Variants in CD22 observed in about 807,000 individuals in gnomAD.
CD22 encodes B-cell receptor CD22.
CD22 carries 51 observed loss-of-function variants against 94.7 expected under a neutral mutation model. The observed-to-expected ratio is 0.54, with a 90% CI of 0.43 to 0.68. The LOEUF (loss-of-function observed/expected upper bound fraction) is 0.68. CD22 is among the 30% of genes least tolerant of loss of function. The pLI, the probability that CD22 is intolerant of heterozygous loss-of-function variation, is 0.00. For synonymous variants in CD22, 424 were observed against 422.5 expected, an observed-to-expected ratio of 1.00 and a Z score of -0.04; for missense variants, 931 against 1,060.4, an observed-to-expected ratio of 0.88 and a Z score of 1.69.
intron 1 of CD22, 179 bp from the exon 2 acceptor site, chr19:35,331,840 C>G: frequency 7.7e-7 from 1 of 1,295,338 alleles, no homozygotes; most frequent in Non-Finnish European, 1.0e-6. Context: ...GAGCAAGACT[C>G]TGTCTCAAAA....
rs1404457936 is a variant in CD22, at chr19:35,335,979, G to A, written c.413-57G>A. The A allele has an allele frequency of 2.7e-6, 4 of 1,467,828 alleles. No individual in the cohort carries two copies. In the East Asian group the frequency reaches 6.8e-5, roughly 25 times the overall value. The allele number at this position is 1,467,828 out of a possible 1,614,324, so 90.9% of individuals were successfully genotyped here. ...TTTGGGACAGGACATCTAAAGCCAG[G>A]TGTACGCTCACGTCCTCAGTCCCCC... On this transcript the variant is annotated intron_variant, in intron 3 of 13. Transcript: ENST00000085219.
rs756619449 is a variant in CD22 at position 35,341,667 on chromosome 19, T to G, written c.1772-35T>G. 3.1e-6 allele frequency: 5 copies of G among 1,606,110 alleles called. No homozygotes were observed. In the East Asian group the frequency reaches 8.9e-5, roughly 29 times the overall value. ...AAGGGACCAGTGGCCTGCCTGGTAG[T>G]GACTTCGCACCCCCTCCCCCTGCCC... On this transcript the variant is annotated intron_variant, in intron 8 of 13. Transcript: ENST00000085219. This position sits in a 1 kb window ranked among gnomAD's most constrained non-coding sequence, Gnocchi z 4.0.
intron 4 of CD22, chr19:35,336,547 A>T (rs1194733997): frequency 1.8e-6 from 1 of 563,400 alleles, no homozygotes; most frequent in South Asian, 2.4e-5. Flanking sequence ...TCCTCAAGCC[A>T]TGACATGAAT....
In CD22 at chr19:35,331,989, T is replaced by A. The variant is rs183990275; in HGVS notation, c.-22-30T>A. On this transcript the variant is annotated intron_variant, in intron 1 of 13. Coordinates refer to ENST00000085219, the MANE Select transcript of CD22 (RefSeq NM_001771.4). ...CACGTGGAAGAAGTAAGCGGCCAGA[T>A]GGCTCAAAGACAAACTCTCCCCTGC... 1,276 of 1,613,552 alleles carry A rather than the reference T, an allele frequency of 7.9e-4. 16 individuals carry two copies. In the South Asian group the frequency reaches 0.01, roughly 13 times the overall value.
chr19:35,346,815 C>A lies in CD22; in HGVS notation c.*118C>A. ...GCGCATGTGCGCACACACACACACA[C>A]ACGCACACACACACACACACACTCA... On this transcript the variant is annotated 3_prime_UTR_variant, in exon 14 of 14. Coordinates refer to ENST00000085219, the MANE Select transcript of CD22 (RefSeq NM_001771.4). 1.1e-6 allele frequency: 1 copy of A among 882,012 alleles called. No homozygotes were observed. The highest frequency in any genetic ancestry group is 1.7e-6 in the Non-Finnish European group (1 of 588,226). The allele number at this position is 882,012 out of a possible 1,614,324, so 54.6% of individuals were successfully genotyped here.
rs757648942 is a variant in CD22 at position 35,336,234 on chromosome 19, T to C, written c.611T>C (p.Leu204Pro). 1 of 1,614,162 alleles carries C rather than the reference T, an allele frequency of 6.2e-7. No homozygotes were observed. The highest frequency in any genetic ancestry group is 2.2e-5 in the East Asian group (1 of 44,866). The change falls in exon 4 of 14, where the codon CTC becomes CCC. Residue 204 changes from leucine (L) to proline (P), a missense_variant. By Grantham distance (98) the Leu-to-Pro change is moderately conservative. Coordinates refer to ENST00000085219, the MANE Select transcript of CD22 (RefSeq NM_001771.4). Reference sequence around the variant, plus strand: ...AAGTCTGTCTTCACCCGGAGCGAGCTCAAGTTCTCCCCACAGTGGAGTCAC... The same window carrying C: ...AAGTCTGTCTTCACCCGGAGCGAGCCCAAGTTCTCCCCACAGTGGAGTCAC... ...TIKSVFTRSE[L>P]KFSPQWSHHG...
In CD22 at chr19:35,346,253, A is replaced by C. The variant is rs771134441; in HGVS notation, c.2412+18A>C. The C allele has an allele frequency of 6.2e-7, 1 of 1,603,612 alleles. No individual in the cohort carries two copies. The highest frequency in any genetic ancestry group is 8.5e-7 in the Non-Finnish European group (1 of 1,170,464). ...GCCAAGTGGTAAGGAGGGTCTCCCCAGGTCTCCCCAGAGGGGCTGTGGAAG... is the reference window on the plus strand; with the variant it reads ...GCCAAGTGGTAAGGAGGGTCTCCCCCGGTCTCCCCAGAGGGGCTGTGGAAG... On this transcript the variant is annotated intron_variant, in intron 13 of 13. Transcript: ENST00000085219.
chr19:35,344,589 G>C (rs2066871653), intron 9 of CD22: 1 of 500,886 alleles, frequency 2.0e-6, no homozygotes, highest in Non-Finnish European at 3.6e-6. Context: ...CGGGTCACAG[G>C]CTCTGGGCGT....
intron 6 of CD22, among the ~76,000 whole-genome samples, chr19:35,340,071 T>C (rs2066784773): frequency 1.3e-5 from 2 of 152,194 alleles, no homozygotes; most frequent in South Asian, 4.1e-4. Context: ...AGCTCGATCC[T>C]TGGACCCTGA....
At chr19:35,345,542 G>A (rs2066892955) in intron 11 of CD22, 60 bp from the exon 12 acceptor site, 2 of 1,072,954 alleles carry the variant, frequency 1.9e-6, no homozygotes, top group South Asian at 1.3e-5. Flanking sequence ...TCAGAGGCCA[G>A]GGAAGGGGAC....
At chr19:35,335,963 G>A (rs1296985158) in intron 3 of CD22, 73 bp from the exon 4 acceptor site, 5 of 1,294,836 alleles carry the variant, frequency 3.9e-6, no homozygotes, top group Non-Finnish European at 5.4e-6. Context: ...ATTTGGGACA[G>A]GACATCTAAA....
chr19:35,344,692 T>C, intron 9 of CD22, 137 bp from the exon 10 acceptor site: 1 of 671,482 alleles, frequency 1.5e-6, no homozygotes, highest in Non-Finnish European at 2.6e-6. Context: ...GTCACCCTCT[T>C]CCTCTGCACC....
chr19:35,337,839 G>A lies in CD22; in HGVS notation c.803G>A (p.Ser268Asn). The A allele has an allele frequency of 6.2e-7, 1 of 1,613,912 alleles. No individual in the cohort carries two copies. Among genetic ancestry groups the A allele is most frequent in the South Asian group, 1.1e-5 (1 of 91,074 alleles). The change falls in exon 5 of 14, where the codon AGC becomes AAC. Residue 268 changes from serine (S) to asparagine (N), a missense_variant. Physicochemically the swap from Ser to Asn is conservative, Grantham distance 46 (BLOSUM62 1). Transcript: ENST00000085219. The surrounding 1 kb of genome is among the most constrained non-coding windows in gnomAD (Gnocchi z 4.4). Reference sequence around the variant, plus strand: ...TCTGTGACCATGACCTGCGAGGTCAGCAGCAGCAACCCGGAGTACACGACG... The same window carrying A: ...TCTGTGACCATGACCTGCGAGGTCAACAGCAGCAACCCGGAGTACACGACG... ...GDSVTMTCEVSSSNPEYTTVS... is the reference protein window; with the variant it reads ...GDSVTMTCEVNSSNPEYTTVS...
chr19:35,333,208 T>G (rs1318528218), intron 3 of CD22: 1 of 438,354 alleles, frequency 2.3e-6, no homozygotes, highest in African/African-American at 2.0e-5. Flanking sequence ...TCAGCTTTTG[T>G]GACAAACTCG....
intron 3 of CD22, among the ~76,000 whole-genome samples, chr19:35,335,572 G>A (rs2066710455): frequency 6.9e-6 from 1 of 144,710 alleles, no homozygotes; most frequent in East Asian, 2.2e-4. Flanking sequence ...AAAAAAAGAG[G>A]CCGGGTGTGG....
At chr19:35,346,530 A>G (rs1402871635) in intron 13 of CD22, 36 bp from the exon 14 acceptor site, 1 of 1,580,206 alleles carries the variant, frequency 6.3e-7, no homozygotes, top group Non-Finnish European at 8.6e-7. Context: ...GGCTGGCGAC[A>G]GTGGGGCCAG....
rs957317058 is a variant in CD22 at position 35,344,881 on chromosome 19, C to T, written c.2088C>T (p.Leu696=). 4.3e-6 allele frequency: 7 copies of T among 1,613,962 alleles called. No homozygotes were observed. The African/African-American group carries it at 6.7e-5, about 15-fold the overall frequency. Reference sequence around the variant, plus strand: ...TGGCTGTGGGACTCGGGTCCTGCCTCGCCATCCTCATCCTGGCAATCTGTG... The same window carrying T: ...TGGCTGTGGGACTCGGGTCCTGCCTTGCCATCCTCATCCTGGCAATCTGTG... ...RRVAVGLGSC[L]AILILAICGL... Residue 696 remains leucine (L), a synonymous_variant, in exon 10 of 14, where the codon CTC becomes CTT. Coordinates refer to ENST00000085219, the MANE Select transcript of CD22 (RefSeq NM_001771.4).
chr19:35,333,009 CAAACCGAGCTTCCTGCAGAGCTCAG>C, intron 3 of CD22, 85 bp downstream of exon 3: 1 of 1,440,530 alleles, frequency 6.9e-7, no homozygotes, highest in Middle Eastern at 2.4e-4. Context: ...ACAGAGCTCA[CAAACCGAGCTTCCTGCAGAGCTCAG>C]GCAGGGGACG....
rs25677 is a variant in CD22, at chr19:35,341,083, C to T, written c.1452C>T (p.Cys484=). 29,396 of 1,614,114 alleles carry T rather than the reference C, an allele frequency of 0.018. 1,206 individuals carry two copies. Among genetic ancestry groups the T allele is most frequent in the African/African-American group, 0.17 (12,684 of 74,982 alleles). ...NVGWDNTTIA[C]AACNSWCSWA... The stretch of plus-strand genomic sequence containing the variant: ...GCTGGGACAACACAACCATCGCCTG[C>T]GCAGCTTGTAATAGTTGGTGCTCGT... Residue 484 remains cysteine (C), a synonymous_variant, in exon 7 of 14, where the codon TGC becomes TGT. Coordinates refer to ENST00000085219, the MANE Select transcript of CD22 (RefSeq NM_001771.4). The surrounding 1 kb of genome is among the most constrained non-coding windows in gnomAD (Gnocchi z 4.0).
Sources: allele counts gnomAD v4.1 joint callset (sites outside exome capture counted in the v4.1 genomes callset), GRCh38; gene constraint gnomAD v4.1.1; non-coding constraint Gnocchi (gnomAD v3.1); transcripts MANE v1.5; gene names NCBI Gene and HGNC (gene_info 2026-07-23, HGNC 2026-07-21).